Variants in TMEM63C observed in about 807,000 individuals in gnomAD.
TMEM63C encodes osmosensitive cation channel TMEM63C.
Under a neutral mutation model 99.2 loss-of-function variants are expected in TMEM63C, and 32 were observed. The observed-to-expected ratio is 0.32, with a 90% CI of 0.24 to 0.43. The LOEUF is 0.43. TMEM63C is among the 20% of genes least tolerant of loss of function. The pLI is 1.00. For missense variants in TMEM63C, 826 were observed against 1,053.0 expected, an observed-to-expected ratio of 0.78 and a Z score of 2.98; for synonymous variants, 376 against 397.9, an observed-to-expected ratio of 0.94 and a Z score of 0.66.
At position 77,248,407 on chromosome 14, in the gene TMEM63C, A is replaced by G. The variant is rs1889300491; in HGVS notation, c.1662A>G (p.Leu554=). ...FFVNYVITAA[L]LGTGMELLRL... The stretch of plus-strand genomic sequence containing the variant: ...TCAACTACGTGATCACGGCAGCTTT[A>G]CTTGGCACAGGCATGGAGCTGCTGC... The change falls in exon 19 of 24, where the codon TTA becomes TTG. Residue 554 remains leucine (L), a synonymous_variant. Coordinates refer to ENST00000298351, the MANE Select transcript of TMEM63C (RefSeq NM_020431.4). 6.2e-7 allele frequency: 1 copy of G among 1,605,138 alleles called. No homozygotes were observed. Among genetic ancestry groups the G allele is most frequent in the African/African-American group, 1.3e-5 (1 of 74,508 alleles).
At chr14:77,217,501 T>C (rs893489815) in intron 2 of TMEM63C, among the ~76,000 whole-genome samples, 1 of 152,248 alleles carries the variant, frequency 6.6e-6, no homozygotes, top group African/African-American at 2.4e-5. Flanking sequence ...CACCAAATAT[T>C]CAAATGCATC....
At position 77,233,481 on chromosome 14, in the gene TMEM63C, A is replaced by G. The variant is rs199593647; in HGVS notation, c.523A>G (p.Ile175Val). Reference protein sequence around the residue: ...DWSSHFARTTIVNVSTESKLL... With the variant: ...DWSSHFARTTVVNVSTESKLL... ...GAGCAGTCACTTTGCTCGGACCACC[A>G]TTGTCAATGTCTCCACAGAGTAGGT... The change falls in exon 8 of 24, where the codon ATT (isoleucine) becomes GTT (valine). Residue 175 changes from isoleucine (I) to valine (V), a missense_variant. By Grantham distance (29) the Ile-to-Val change is conservative. Coordinates refer to ENST00000298351, the MANE Select transcript of TMEM63C (RefSeq NM_020431.4). 5.2e-5 allele frequency: 84 copies of G among 1,613,528 alleles called. No individual in the cohort carries two copies. The highest frequency in any genetic ancestry group is 4.0e-4 in the Admixed American group (24 of 59,966).
intron 2 of TMEM63C, among the ~76,000 whole-genome samples, chr14:77,218,432 G>A (rs1324473576): frequency 6.6e-6 from 1 of 152,124 alleles, no homozygotes; most frequent in Non-Finnish European, 1.5e-5. Flanking sequence ...TTCCACACTG[G>A]GGTCTGACCC....
intron 1 of TMEM63C, among the ~76,000 whole-genome samples, chr14:77,183,214 C>T (rs144604193): frequency 1.3e-5 from 2 of 152,202 alleles, no homozygotes; most frequent in African/African-American, 2.4e-5. Flanking sequence ...ATCTTACCTA[C>T]ATGCAGGTCT....
rs1320856657 is a variant in TMEM63C, at chr14:77,220,032, A to G, written c.257A>G (p.Gln86Arg). The G allele has an allele frequency of 6.4e-6, 10 of 1,561,458 alleles. No individual in the cohort carries two copies. Among genetic ancestry groups the G allele is most frequent in the Non-Finnish European group, 8.7e-6 (10 of 1,152,704 alleles). ...CTGACCTCGCTGATCTATGGGGAGC[A>G]GAGCGAGAAGACATCTCCCTCGGAG... ...DSLTSLIYGE[Q>R]SEKTSPSETS... Residue 86 changes from glutamine to arginine, a missense_variant, in exon 5 of 24, where the codon CAG becomes CGG. Gln to Arg is a conservative substitution (Grantham distance 43). Transcript: ENST00000298351.
At chr14:77,250,370 C>T (rs1484993101) in intron 21 of TMEM63C, among the ~76,000 whole-genome samples, 4 of 152,150 alleles carry the variant, frequency 2.6e-5, no homozygotes, top group Non-Finnish European at 5.9e-5. Flanking sequence ...CTGCCCTTCC[C>T]TCAGACACCT....
chr14:77,197,072 C>T (rs1043053412), intron 1 of TMEM63C, among the ~76,000 whole-genome samples: 1 of 152,214 alleles, frequency 6.6e-6, no homozygotes, highest in Non-Finnish European at 1.5e-5. Context: ...TAAGTAAATA[C>T]ATTAATAAAT....
chr14:77,240,590 A>C lies in TMEM63C; in HGVS notation c.1046A>C (p.Asp349Ala). 1.2e-6 allele frequency: 2 copies of C among 1,610,318 alleles called. No individual in the cohort carries two copies. Among genetic ancestry groups the C allele is most frequent in the Non-Finnish European group, 1.7e-6 (2 of 1,179,812 alleles). The change falls in exon 13 of 24, where the codon GAC (aspartate) becomes GCC (alanine). Residue 349 changes from aspartate (D) to alanine (A), a missense_variant. Coordinates refer to ENST00000298351, the MANE Select transcript of TMEM63C (RefSeq NM_020431.4). Reference sequence around the variant, plus strand: ...GACCTGATCTTTGTCACCTTCCAGGACTCCAGGATGGCCAAGCGGTGAGCA... The same window carrying C: ...GACCTGATCTTTGTCACCTTCCAGGCCTCCAGGATGGCCAAGCGGTGAGCA... ...RLDLIFVTFQDSRMAKRVRKD... is the reference protein window; with the variant it reads ...RLDLIFVTFQASRMAKRVRKD...
rs1201263477 is a variant in TMEM63C, at chr14:77,218,903, C to A, written c.90C>A (p.Leu30=). 6.2e-7 allele frequency: 1 copy of A among 1,611,998 alleles called. No individual in the cohort carries two copies. Among genetic ancestry groups the A allele is most frequent in the African/African-American group, 1.3e-5 (1 of 74,930 alleles). ...GCTTCCAGTCTCGGAACACCGTCCT[C>A]CAGGGGCAGCCCTTTGGGGGTGTCC... ...DECFQSRNTV[L]QGQPFGGVPT... is the part of the protein sequence containing the mutation. The change falls in exon 3 of 24, where the codon CTC becomes CTA. Residue 30 remains leucine, a synonymous_variant. Transcript: ENST00000298351.
At chr14:77,199,993 C>T (rs1361511348) in intron 1 of TMEM63C, among the ~76,000 whole-genome samples, 2 of 152,182 alleles carry the variant, frequency 1.3e-5, no homozygotes, top group East Asian at 1.9e-4. Context: ...AGCAGATTGT[C>T]GCAGACAGAA....
At position 77,251,886 on chromosome 14, in the gene TMEM63C, T is replaced by C; in HGVS notation, c.2136T>C (p.Val712=). 1 of 1,613,742 alleles carries C rather than the reference T, an allele frequency of 6.2e-7. No homozygotes were observed. The highest frequency in any genetic ancestry group is 1.1e-5 in the South Asian group (1 of 91,078). ...VGIFLGKLRM[V]ADYEPEEEEI... The stretch of plus-strand genomic sequence containing the variant: ...TTTTTCTGGGGAAGCTTCGGATGGT[T>C]GCCGACTACGAGGTGAGTTGCCAGC... The change falls in exon 22 of 24, where the codon GTT becomes GTC. Residue 712 remains valine (V), a synonymous_variant. Transcript: ENST00000298351.
rs149146698 is a variant in TMEM63C, at chr14:77,229,613, A to AATATATATATATATATATATATATAT, written c.351-1956_351-1955insTATATATATATATATATATATATATA. Among the ~76,000 whole-genome samples, 506 of 117,768 alleles carry AATATATATATATATATATATATATAT rather than the reference A, an allele frequency of 4.3e-3. 10 individuals carry two copies. The highest frequency in any genetic ancestry group is 8.7e-3 in the Middle Eastern group (2 of 230). 77.3% of individuals were successfully genotyped at this position (117,768 alleles called of 152,430 possible). On this transcript the variant is annotated intron_variant, in intron 6 of 23. Coordinates refer to ENST00000298351, the MANE Select transcript of TMEM63C (RefSeq NM_020431.4). ...CAGGCACATGCTACCACACCCAGCT[A>AATATATATATATATATATATATATAT]ATATATATATATATATATAGTAGAG...
Position 77,258,958 on chromosome 14 carries a change from C to T in TMEM63C, c.*2232C>T, listed in dbSNP as rs1268235338. The T allele has an allele frequency of 1.3e-5, 2 of 152,350 alleles. No homozygotes were observed. Among genetic ancestry groups the T allele is most frequent in the Non-Finnish European group, 2.9e-5 (2 of 68,162 alleles). The allele number at this position is 152,350 out of a possible 1,614,324, so 9.4% of individuals were successfully genotyped here. ...TGTGGAGAAGGTTCCATAGTCCACTCTTAGGGGAACCAGCAAAGCCTCATG... is the reference window on the plus strand; with the variant it reads ...TGTGGAGAAGGTTCCATAGTCCACTTTTAGGGGAACCAGCAAAGCCTCATG... On this transcript the variant is annotated 3_prime_UTR_variant, in exon 24 of 24. Coordinates refer to ENST00000298351, the MANE Select transcript of TMEM63C (RefSeq NM_020431.4).
At chr14:77,207,924 G>A (rs1888430803) in intron 1 of TMEM63C, among the ~76,000 whole-genome samples, 1 of 152,176 alleles carries the variant, frequency 6.6e-6, no homozygotes, top group African/African-American at 2.4e-5. Flanking sequence ...GTTGGAATCA[G>A]CGTTCTCTGC....
intron 1 of TMEM63C, among the ~76,000 whole-genome samples, chr14:77,203,360 CA>C: frequency 8.3e-6 from 1 of 120,750 alleles, no homozygotes; most frequent in Admixed American, 9.7e-5. Context: ...CCAGCCTGGG[CA>C]AAAGAGCGAA....
chr14:77,244,280 A>C (rs1044870032), intron 15 of TMEM63C, 69 bp from the exon 16 acceptor site: 2 of 1,203,028 alleles, frequency 1.7e-6, no homozygotes, highest in Non-Finnish European at 2.5e-6. Context: ...GAGTGGGAGG[A>C]GAAGAAGCAA....
intron 1 of TMEM63C, chr14:77,212,291 C>G (rs1470793465): frequency 6.6e-6 from 1 of 152,230 alleles, no homozygotes; most frequent in Non-Finnish European, 1.5e-5. Context: ...AAGTCACTGC[C>G]CCTGGTCACA....
chr14:77,233,106 C>T (rs1033092544), intron 7 of TMEM63C, among the ~76,000 whole-genome samples: 2 of 152,186 alleles, frequency 1.3e-5, no homozygotes, highest in East Asian at 3.8e-4. Context: ...CTGGACGTTG[C>T]CAGTGGTAAT....
chr14:77,253,633 G>A (rs951359300), intron 23 of TMEM63C, among the ~76,000 whole-genome samples: 1 of 152,230 alleles, frequency 6.6e-6, no homozygotes, highest in South Asian at 2.1e-4. Flanking sequence ...TAGAGAGGAA[G>A]TACTTGGTCA....
Sources: allele counts gnomAD v4.1 joint callset (sites outside exome capture counted in the v4.1 genomes callset), GRCh38; gene constraint gnomAD v4.1.1; transcripts MANE v1.5; gene names NCBI Gene and HGNC (gene_info 2026-07-23, HGNC 2026-07-21).